Variants in CLVS1 observed in about 807,000 individuals in gnomAD.
The protein encoded by CLVS1 is clavesin-1.
CLVS1 carries 10 observed loss-of-function variants against 33.1 expected under a neutral mutation model. The ratio of observed to expected loss-of-function variants is 0.30; its 90% confidence interval spans 0.19 to 0.51. The LOEUF is 0.51. Among genes scored for constraint, CLVS1 ranks in the 20% least tolerant of loss-of-function variants. The probability of loss-of-function intolerance (pLI) is 0.97; values close to 1 mark genes in which losing one functional copy is unlikely to be tolerated. For synonymous variants in CLVS1, 163 were observed against 166.1 expected (o/e 0.98, Z 0.14); for missense variants, 343 against 433.4 (o/e 0.79, Z 1.85).
chr8:61,121,325 A>AC (rs1203937557), intron 1 of CLVS1, among the ~76,000 whole-genome samples: 2 of 151,894 alleles, frequency 1.3e-5, no homozygotes, highest in East Asian at 1.9e-4. Context: ...TGCAGAAATC[A>AC]CCGTCTTCTG....
At chr8:60,979,573 A>T in the CLVS1 span, among the ~76,000 whole-genome samples, 3 of 152,212 alleles carry the variant, frequency 2.0e-5, no homozygotes, top group African/African-American at 7.2e-5. Flanking sequence ...ACTGAAGTAA[A>T]CAACTGTGTA....
At chr8:61,432,504 A>G (rs1019007201) in intron 3 of CLVS1, among the ~76,000 whole-genome samples, 39 of 152,242 alleles carry the variant, frequency 2.6e-4, no homozygotes, top group Non-Finnish European at 4.0e-4. Flanking sequence ...AGGGAAGTTC[A>G]TGTGAAGATG....
chr8:60,991,524 T>C, the CLVS1 span, among the ~76,000 whole-genome samples: 1 of 152,172 alleles, frequency 6.6e-6, no homozygotes, highest in Admixed American at 6.5e-5. Flanking sequence ...CTATTACCCT[T>C]GGTATATAAT....
chr8:61,035,187 C>CTTTTTTTTTTTTTTTTT, the CLVS1 span, among the ~76,000 whole-genome samples: 8 of 129,404 alleles, frequency 6.2e-5, no homozygotes, highest in South Asian at 4.9e-4. Context: ...TTTCTTTTTT[C>CTTTTTTTTTTTTTTTTT]TTTTTTTTTT....
chr8:61,055,546 T>C (rs1219809300), upstream of CLVS1, among the ~76,000 whole-genome samples: 1 of 152,250 alleles, frequency 6.6e-6, no homozygotes, highest in African/African-American at 2.4e-5. Flanking sequence ...CATAATTGAA[T>C]TCTCCTTTCT....
At chr8:60,967,677 C>T in the CLVS1 span, 1 of 455,996 alleles carries the variant, frequency 2.2e-6, no homozygotes, top group South Asian at 1.5e-5. Flanking sequence ...CGTTTTCAGG[C>T]CTCTCCTGCC....
At chr8:61,223,084 A>G (rs1345241917) in intron 2 of CLVS1, among the ~76,000 whole-genome samples, 1 of 151,658 alleles carries the variant, frequency 6.6e-6, no homozygotes, top group Non-Finnish European at 1.5e-5. Flanking sequence ...TGCACATAAG[A>G]TGGGCCTCCT....
intron 2 of CLVS1, among the ~76,000 whole-genome samples, chr8:61,347,384 C>T (rs1667257512): frequency 6.6e-6 from 1 of 151,858 alleles, no homozygotes; most frequent in Non-Finnish European, 1.5e-5. Context: ...AAAGCTGTCA[C>T]TGCACAATCT....
At chr8:61,299,620 C>T (rs1461882354) in intron 1 of CLVS1, 57 bp from the exon 2 acceptor site, 1 of 544,388 alleles carries the variant, frequency 1.8e-6, no homozygotes, top group East Asian at 2.9e-5. Flanking sequence ...ATTAATTTGC[C>T]CAGACTTTCT....
rs186662915 is a variant in CLVS1 at position 61,492,149 on chromosome 8, G to C, written c.978-7306G>C. Among the ~76,000 whole-genome samples the C allele has an allele frequency of 1.8e-3, 267 of 152,248 alleles. 1 individual carries two copies. Among genetic ancestry groups the C allele is most frequent in the African/African-American group, 6.0e-3 (248 of 41,566 alleles). The stretch of plus-strand genomic sequence containing the variant: ...GCCACAAGCATAATGGAGTAAATGA[G>C]GCTCCAGACCAATGCTATCCAATGG... On this transcript the variant is annotated intron_variant, in intron 5 of 5. Coordinates refer to ENST00000325897, the MANE Select transcript of CLVS1 (RefSeq NM_173519.3).
rs1335692553 is a variant in CLVS1, at chr8:61,354,230, G to A, written c.456-22375G>A. 2.6e-5 allele frequency among the ~76,000 whole-genome samples: 4 copies of A among 152,070 alleles called. No homozygotes were observed. In the South Asian group the frequency reaches 6.2e-4, roughly 24 times the overall value. On this transcript the variant is annotated intron_variant, in intron 2 of 5. Coordinates refer to ENST00000325897, the MANE Select transcript of CLVS1 (RefSeq NM_173519.3). ...TGATGAAGCCTATTCGACATCACTA[G>A]TTATTAGGGAAACGCCAATCAAGAC...
At chr8:61,323,592 G>A (rs1811273341) in intron 2 of CLVS1, among the ~76,000 whole-genome samples, 1 of 151,974 alleles carries the variant, frequency 6.6e-6, no homozygotes, top group African/African-American at 2.4e-5. Context: ...GCCATGTTTT[G>A]CATCAGATCC....
intron 3 of CLVS1, among the ~76,000 whole-genome samples, chr8:61,406,624 G>T (rs529258355): frequency 1.1e-4 from 16 of 151,912 alleles, no homozygotes; most frequent in East Asian, 3.9e-4. Flanking sequence ...TTTGTGGGGG[G>T]GGGGATGGAG....
At chr8:61,223,783 G>A (rs1343149588) in intron 2 of CLVS1, among the ~76,000 whole-genome samples, 1 of 152,156 alleles carries the variant, frequency 6.6e-6, no homozygotes, top group African/African-American at 2.4e-5. Context: ...TTTCCATCTT[G>A]TTTCCATTCT....
chr8:61,241,673 T>C (rs2919324), intron 2 of CLVS1, among the ~76,000 whole-genome samples: 50,928 of 152,136 alleles, frequency 0.33, 9,109 homozygotes, highest in Admixed American at 0.39. Flanking sequence ...CAAGACTGTG[T>C]TGAAATTTTT....
chr8:61,182,910 A>G (rs922802409), intron 2 of CLVS1, among the ~76,000 whole-genome samples: 2 of 152,228 alleles, frequency 1.3e-5, no homozygotes, highest in East Asian at 1.9e-4. Context: ...ATGCCCATCA[A>G]TGATAGACTG....
At chr8:61,368,333 A>G (rs1813297686) in intron 2 of CLVS1, among the ~76,000 whole-genome samples, 1 of 152,246 alleles carries the variant, frequency 6.6e-6, no homozygotes, top group Admixed American at 6.5e-5. Context: ...TCTAGTGTCT[A>G]TATCCAGAGA....
chr8:61,409,224 A>G (rs1056512331), intron 3 of CLVS1, among the ~76,000 whole-genome samples: 1 of 152,246 alleles, frequency 6.6e-6, no homozygotes, highest in South Asian at 2.1e-4. Flanking sequence ...ATAAAGAGGT[A>G]GTCAGCAAAA....
At chr8:61,267,082 T>C (rs1042799778) in intron 2 of CLVS1, among the ~76,000 whole-genome samples, 2 of 152,176 alleles carry the variant, frequency 1.3e-5, no homozygotes, top group African/African-American at 4.8e-5. Flanking sequence ...AAATTGCCAT[T>C]AACCTATTAT....
Sources: gnomAD v4.1 joint callset for allele counts (sites outside exome capture counted in the v4.1 genomes callset) on GRCh38, gnomAD v4.1.1 for gene constraint, MANE v1.5 for transcripts, NCBI Gene and HGNC (gene_info 2026-07-23, HGNC 2026-07-21) for gene names.